ERC1: variants seen among roughly 807,000 people sequenced by gnomAD.
ERC1 encodes the protein ELKS/RAB6-interacting/CAST family member 1.
In ERC1, 56 loss-of-function variants were observed where a neutral mutation model predicts 132.0. The observed-to-expected ratio is 0.42, with a 90% CI of 0.34 to 0.53. ERC1 has a LOEUF of 0.53. Ranked by LOEUF, ERC1 falls within the 20% of genes least tolerant of loss-of-function variation. ERC1 has a pLI of 0.03. For missense variants in ERC1, 1,202 were observed against 1,349.9 expected (o/e 0.89, Z 1.72); for synonymous variants, 478 against 476.1 (o/e 1.00, Z -0.05).
chr12:1,269,624 A>G (rs1444995480), intron 14 of ERC1, among the ~76,000 whole-genome samples: 1 of 152,194 alleles, frequency 6.6e-6, no homozygotes, highest in Non-Finnish European at 1.5e-5. Flanking sequence ...GGGGGGTAAG[A>G]TTGAAAGCGG....
Position 1,083,562 on chromosome 12 carries a change from G to GAAC in ERC1, c.1070_1072dup (p.Asn357dup). On this transcript the variant is annotated inframe_insertion, in exon 3 of 19. Transcript: ENST00000360905. Reference sequence around the variant, plus strand: ...GCCTTTTGGAGCAGAAGGAAAAAGAGAACAGTATGTTGAGAGAGGTATGTG... The same window carrying GAAC: ...GCCTTTTGGAGCAGAAGGAAAAAGAGAACAACAGTATGTTGAGAGAGGTATGTG... 1.9e-6 allele frequency: 3 copies of GAAC among 1,604,238 alleles called. No individual in the cohort carries two copies. Among genetic ancestry groups the GAAC allele is most frequent in the Non-Finnish European group, 2.5e-6 (3 of 1,177,380 alleles).
At chr12:1,395,548 A>G (rs1037842750) in intron 16 of ERC1, among the ~76,000 whole-genome samples, 10 of 152,182 alleles carry the variant, frequency 6.6e-5, no homozygotes, top group African/African-American at 2.4e-4. Context: ...AGTGCTAAAT[A>G]TACATGGTAA....
intron 18 of ERC1, among the ~76,000 whole-genome samples, chr12:1,461,148 G>A (rs1348156614): frequency 6.6e-6 from 1 of 151,726 alleles, no homozygotes; most frequent in African/African-American, 2.4e-5. Context: ...AAAAACTAAG[G>A]TTGACTCCCC....
intron 12 of ERC1, among the ~76,000 whole-genome samples, chr12:1,222,224 C>CTTTT (rs398116013): frequency 2.7e-5 from 4 of 146,010 alleles, no homozygotes; most frequent in African/African-American, 2.5e-5. Flanking sequence ...TACATATTCT[C>CTTTT]TTTTTTTTTT....
At chr12:1,252,709 G>A (rs1378620903) in intron 13 of ERC1, among the ~76,000 whole-genome samples, 1 of 152,200 alleles carries the variant, frequency 6.6e-6, no homozygotes, top group Non-Finnish European at 1.5e-5. Flanking sequence ...GAAGGAGGGA[G>A]AGAATATTTT....
At chr12:1,395,178 A>G (rs922191308) in intron 16 of ERC1, among the ~76,000 whole-genome samples, 2 of 151,938 alleles carry the variant, frequency 1.3e-5, no homozygotes, top group African/African-American at 4.8e-5. Context: ...AGGCTCAACC[A>G]CTCTTTGTTT....
chr12:1,060,911 T>G (rs1475752496), intron 2 of ERC1, among the ~76,000 whole-genome samples: 2 of 151,760 alleles, frequency 1.3e-5, no homozygotes, highest in Non-Finnish European at 2.9e-5. Flanking sequence ...GCATTTTTAG[T>G]AGAACGAGGT....
chr12:1,479,921 G>T (rs552585613), intron 18 of ERC1, among the ~76,000 whole-genome samples: 3 of 152,124 alleles, frequency 2.0e-5, no homozygotes, highest in Non-Finnish European at 4.4e-5. Flanking sequence ...AAGCCCTGCT[G>T]CCCTCACGCC....
intron 2 of ERC1, among the ~76,000 whole-genome samples, chr12:1,063,155 C>T (rs1450188254): frequency 1.3e-5 from 2 of 152,272 alleles, no homozygotes; most frequent in East Asian, 3.9e-4. Flanking sequence ...GCAATCTCTG[C>T]CTCCCGGGTT....
intron 15 of ERC1, among the ~76,000 whole-genome samples, chr12:1,333,364 C>T (rs1374718669): frequency 2.9e-5 from 4 of 136,850 alleles, no homozygotes; most frequent in Admixed American, 7.7e-5. Flanking sequence ...GATGGAGTCT[C>T]ACTCTGTCGC....
intron 12 of ERC1, among the ~76,000 whole-genome samples, chr12:1,207,099 A>T (rs1957415026): frequency 6.6e-6 from 1 of 152,172 alleles, no homozygotes; most frequent in Non-Finnish European, 1.5e-5. Context: ...TCTCTTTTAT[A>T]TAGTTTGATG....
intron 17 of ERC1, among the ~76,000 whole-genome samples, chr12:1,435,390 G>A (rs145324350): frequency 7.6e-4 from 116 of 152,210 alleles, no homozygotes; most frequent in Admixed American, 2.4e-3. Context: ...TGCTAGGGTC[G>A]GGGAGGCAGG....
intron 14 of ERC1, among the ~76,000 whole-genome samples, chr12:1,286,335 C>A (rs936963191): frequency 1.3e-5 from 2 of 149,994 alleles, no homozygotes; most frequent in Admixed American, 1.3e-4. Context: ...TATAATCCAT[C>A]ACAGTAAAAG....
At position 1,256,834 on chromosome 12, in the gene ERC1, G is replaced by A. The variant is rs1052563470; in HGVS notation, c.2488-6200G>A. On this transcript the variant is annotated intron_variant, in intron 13 of 18. Transcript: ENST00000360905. ...AATATAGTCTCATACCAACAGCTGT[G>A]TTTTTATAATTGAGGTCCTGTTAGC... 2.0e-5 allele frequency among the ~76,000 whole-genome samples: 3 copies of A among 150,730 alleles called. No homozygotes were observed. The East Asian group carries it at 5.9e-4, about 30-fold the overall frequency.
In ERC1 at chr12:1,487,809, CGAG is replaced by C. The variant is rs2094253943; in HGVS notation, c.3214-2283_3214-2281del. On this transcript the variant is annotated intron_variant, in intron 18 of 18. Transcript: ENST00000360905. ...GAAGAAAAGAAGGAAAGAAAAGAAA[CGAG>C]AGAGAGAGAGAGAAAGAAAAGAAAA... 3.4e-5 allele frequency among the ~76,000 whole-genome samples: 5 copies of C among 145,764 alleles called. No individual in the cohort carries two copies. The South Asian group carries it at 8.6e-4, about 25-fold the overall frequency.
chr12:1,007,322 T>C (rs1963812258), intron 1 of ERC1, among the ~76,000 whole-genome samples: 1 of 152,138 alleles, frequency 6.6e-6, no homozygotes, highest in Non-Finnish European at 1.5e-5. Flanking sequence ...TTACAACAAA[T>C]GGTTAAGAGG....
At chr12:1,061,877 ATC>A (rs1422680479) in intron 2 of ERC1, among the ~76,000 whole-genome samples, 6 of 150,320 alleles carry the variant, frequency 4.0e-5, no homozygotes, top group Admixed American at 6.6e-5. Context: ...TTTATTTAAA[ATC>A]TGTCTTCTTT....
In ERC1 at chr12:1,060,407, A is replaced by G. The variant is rs570668136; in HGVS notation, c.670-22757A>G. Among the ~76,000 whole-genome samples, 3 of 148,666 alleles carry G rather than the reference A, an allele frequency of 2.0e-5. No individual in the cohort carries two copies. The South Asian group carries it at 6.4e-4, about 31-fold the overall frequency. ...TGTTCTCATTGTTCAATTCCCATCTATGAGTGAGAACATGCGGTGTTTGGT... is the reference window on the plus strand; with the variant it reads ...TGTTCTCATTGTTCAATTCCCATCTGTGAGTGAGAACATGCGGTGTTTGGT... On this transcript the variant is annotated intron_variant, in intron 2 of 18. Coordinates refer to ENST00000360905, the MANE Select transcript of ERC1 (RefSeq NM_178040.4).
At chr12:1,397,180 A>G (rs2090615317) in intron 16 of ERC1, among the ~76,000 whole-genome samples, 1 of 152,206 alleles carries the variant, frequency 6.6e-6, no homozygotes, top group Non-Finnish European at 1.5e-5. Context: ...GGCTGTGCAC[A>G]TTGGGAACTC....
Sources: gnomAD v4.1 joint callset for allele counts (sites outside exome capture counted in the v4.1 genomes callset) on GRCh38, gnomAD v4.1.1 for gene constraint, MANE v1.5 for transcripts, NCBI Gene and HGNC (gene_info 2026-07-23, HGNC 2026-07-21) for gene names.